Variants in HS6ST1 observed in about 807,000 individuals in gnomAD.
HS6ST1 encodes heparan-sulfate 6-O-sulfotransferase 1.
In HS6ST1, 3 loss-of-function variants were observed where a neutral mutation model predicts 25.2. That is an observed-to-expected ratio of 0.12 (90% CI 0.05 to 0.31). The LOEUF (loss-of-function observed/expected upper bound fraction) is 0.31, where lower values mean the gene tolerates loss of function less well. Ranked by LOEUF, HS6ST1 falls within the 10% of genes least tolerant of loss-of-function variation. The pLI is 1.00. For missense variants in HS6ST1, 310 were observed against 609.6 expected, an observed-to-expected ratio of 0.51 and a Z score of 5.18; for synonymous variants, 204 against 275.1, an observed-to-expected ratio of 0.74 and a Z score of 2.56.
intron 1 of HS6ST1, among the ~76,000 whole-genome samples, chr2:128,272,163 G>A (rs928784280): frequency 2.0e-5 from 3 of 152,206 alleles, no homozygotes; most frequent in Non-Finnish European, 4.4e-5. Flanking sequence ...GGCCTCTGCC[G>A]TGGAGGGGCT....
At chr2:128,272,803 C>T (rs1233453673) in intron 1 of HS6ST1, among the ~76,000 whole-genome samples, 1 of 152,176 alleles carries the variant, frequency 6.6e-6, no homozygotes, top group Non-Finnish European at 1.5e-5. Context: ...CTGCTGAAGA[C>T]AGACACTCAT....
intron 1 of HS6ST1, among the ~76,000 whole-genome samples, chr2:128,313,056 C>T (rs1420078852): frequency 6.6e-6 from 1 of 151,514 alleles, no homozygotes. Flanking sequence ...CAGAGTGAGA[C>T]TCCATCTCAA....
At chr2:128,292,542 G>T (rs1009701067) in intron 1 of HS6ST1, among the ~76,000 whole-genome samples, 2 of 152,190 alleles carry the variant, frequency 1.3e-5, no homozygotes, top group African/African-American at 4.8e-5. Flanking sequence ...CGAGGATGTG[G>T]AGGGTGGTGG....
chr2:128,317,655 T>C (rs1393537915), intron 1 of HS6ST1, among the ~76,000 whole-genome samples: 1 of 152,076 alleles, frequency 6.6e-6, no homozygotes, highest in Non-Finnish European at 1.5e-5. Flanking sequence ...ACACTCCAGG[T>C]AGGCCACGCA....
At position 128,281,689 on chromosome 2, in the gene HS6ST1, GC is replaced by G. The variant is rs1040089400; in HGVS notation, c.528-12820del. Among the ~76,000 whole-genome samples, 25 of 152,302 alleles carry G rather than the reference GC, an allele frequency of 1.6e-4. 1 individual carries two copies. The South Asian group carries it at 5.2e-3, about 32-fold the overall frequency. On this transcript the variant is annotated intron_variant, in intron 1 of 1. Coordinates refer to ENST00000259241, the MANE Select transcript of HS6ST1 (RefSeq NM_004807.3). ...GGAGGGAAATAAAAAATAAACTGCT[GC>G]CCTGTTTTGGCCTCTGAACCTAATC...
At chr2:128,311,766 C>T (rs1332052711) in intron 1 of HS6ST1, among the ~76,000 whole-genome samples, 2 of 152,190 alleles carry the variant, frequency 1.3e-5, no homozygotes, top group East Asian at 3.9e-4. Context: ...GGCCTAGACC[C>T]ACCTGCACCC....
In HS6ST1 at chr2:128,268,131, C is replaced by T. The variant is rs112636716; in HGVS notation, c.*31G>A. The stretch of plus-strand genomic sequence containing the variant: ...TGTCCTGTTTTATCCCCCACACCCC[C>T]CAAGAGGCCTCCCCGTGGCCACCAC... On this transcript the variant is annotated 3_prime_UTR_variant, in exon 2 of 2. Transcript: ENST00000259241. 1 of 1,517,286 alleles carries T rather than the reference C, an allele frequency of 6.6e-7. No homozygotes were observed. The highest frequency in any genetic ancestry group is 1.2e-5 in the South Asian group (1 of 86,120). The allele number at this position is 1,517,286 out of a possible 1,614,324, so 94.0% of individuals were successfully genotyped here.
intron 1 of HS6ST1, among the ~76,000 whole-genome samples, chr2:128,317,166 C>A (rs1024216029): frequency 6.6e-6 from 1 of 152,340 alleles, no homozygotes; most frequent in South Asian, 2.1e-4. Flanking sequence ...CCAGCAGCAC[C>A]CCAGGTTCCC....
Position 128,318,855 on chromosome 2 carries a change from G to T in HS6ST1, c.-292C>A, listed in dbSNP as rs1446061618. ...ACCAGCCCGCTCCGCTCCACTCCGC[G>T]CCGAGAACGCTCTGCGCCGCCCCGC... On this transcript the variant is annotated 5_prime_UTR_variant, in exon 1 of 2. Coordinates refer to ENST00000259241, the MANE Select transcript of HS6ST1 (RefSeq NM_004807.3). This position sits in a 1 kb window ranked among gnomAD's most constrained non-coding sequence, Gnocchi z 5.7. 6.8e-6 allele frequency among the ~76,000 whole-genome samples: 1 copy of T among 147,386 alleles called. No homozygotes were observed. The highest frequency in any genetic ancestry group is 1.5e-5 in the Non-Finnish European group (1 of 66,222).
intron 1 of HS6ST1, among the ~76,000 whole-genome samples, chr2:128,302,421 T>C (rs1179408048): frequency 6.6e-6 from 1 of 152,152 alleles, no homozygotes; most frequent in East Asian, 1.9e-4. Context: ...AGCATCCAGC[T>C]GAAGACACTC....
intron 1 of HS6ST1, among the ~76,000 whole-genome samples, chr2:128,298,815 T>G (rs1038471526): frequency 7.2e-5 from 11 of 152,228 alleles, no homozygotes; most frequent in African/African-American, 2.7e-4. Flanking sequence ...TTTTATGTTA[T>G]GCATACTTCA....
intron 1 of HS6ST1, among the ~76,000 whole-genome samples, chr2:128,278,373 G>A (rs1285493161): frequency 6.6e-6 from 1 of 152,224 alleles, no homozygotes; most frequent in Admixed American, 6.5e-5. Flanking sequence ...TTCAAACCTG[G>A]TTCAGGGCAT....
At chr2:128,269,617 G>A (rs777900543) in intron 1 of HS6ST1, among the ~76,000 whole-genome samples, 9 of 152,246 alleles carry the variant, frequency 5.9e-5, no homozygotes, top group Non-Finnish European at 8.8e-5. Context: ...ACGTGGTGGC[G>A]GCTGTGGATA....
chr2:128,318,774 T>C lies in HS6ST1; in HGVS notation c.-211A>G, dbSNP rs1410654928. Among the ~76,000 whole-genome samples, 1 of 145,456 alleles carries C rather than the reference T, an allele frequency of 6.9e-6. No individual in the cohort carries two copies. The highest frequency in any genetic ancestry group is 1.5e-5 in the Non-Finnish European group (1 of 65,776). On this transcript the variant is annotated 5_prime_UTR_variant, in exon 1 of 2. Transcript: ENST00000259241. This position sits in a 1 kb window ranked among gnomAD's most constrained non-coding sequence, Gnocchi z 5.7. ...CCCCGGGCCCGACGCCCGACTCCGCTCCCGCTCGGCCCCGCTCCCGGCCCC... is the reference window on the plus strand; with the variant it reads ...CCCCGGGCCCGACGCCCGACTCCGCCCCCGCTCGGCCCCGCTCCCGGCCCC...
rs188646344 is a variant in HS6ST1, at chr2:128,306,904, C to T, written c.527+11133G>A. On this transcript the variant is annotated intron_variant, in intron 1 of 1. Coordinates refer to ENST00000259241, the MANE Select transcript of HS6ST1 (RefSeq NM_004807.3). ...AGGCTGGAGGCACAGACAGCAGTGT[C>T]GTCACTGTCATGGGGGGAGGCTGAG... Among the ~76,000 whole-genome samples, 160 of 152,222 alleles carry T rather than the reference C, an allele frequency of 1.1e-3. 1 individual carries two copies. The East Asian group carries it at 0.029, about 28-fold the overall frequency.
At chr2:128,304,595 G>A (rs914989504) in intron 1 of HS6ST1, among the ~76,000 whole-genome samples, 1 of 36,422 alleles carries the variant, frequency 2.7e-5, no homozygotes, top group Non-Finnish European at 4.7e-5. Flanking sequence ...ACCTCTGCCC[G>A]TGGGTCCCCT....
At chr2:128,288,433 T>C (rs1693899381) in intron 1 of HS6ST1, among the ~76,000 whole-genome samples, 1 of 152,106 alleles carries the variant, frequency 6.6e-6, no homozygotes, top group African/African-American at 2.4e-5. Flanking sequence ...TCCATGGCAG[T>C]AGAAAAGCAC....
At chr2:128,284,276 C>T (rs948255911) in intron 1 of HS6ST1, among the ~76,000 whole-genome samples, 1 of 151,954 alleles carries the variant, frequency 6.6e-6, no homozygotes, top group Non-Finnish European at 1.5e-5. Flanking sequence ...CCAACACAGG[C>T]ACCTGGTCCC....
In HS6ST1 at chr2:128,287,391, C is replaced by A. The variant is rs187053276; in HGVS notation, c.528-18521G>T. ...CCCTACTCAGTGAGGGTGAACGAGA[C>A]CCCCAGCAGGTCCCCTGACGGGCTG... On this transcript the variant is annotated intron_variant, in intron 1 of 1. Coordinates refer to ENST00000259241, the MANE Select transcript of HS6ST1 (RefSeq NM_004807.3). 7.4e-3 allele frequency among the ~76,000 whole-genome samples: 1,126 copies of A among 152,304 alleles called. 19 individuals carry two copies. Among genetic ancestry groups the A allele is most frequent in the African/African-American group, 0.025 (1,026 of 41,568 alleles).
Sources: allele counts gnomAD v4.1 joint callset (sites outside exome capture counted in the v4.1 genomes callset), GRCh38; gene constraint gnomAD v4.1.1; non-coding constraint Gnocchi (gnomAD v3.1); transcripts MANE v1.5; gene names NCBI Gene and HGNC (gene_info 2026-07-23, HGNC 2026-07-21).